Variants in MDGA2 observed in about 807,000 individuals in gnomAD.
MDGA2 encodes MAM domain-containing glycosylphosphatidylinositol anchor protein 2.
In MDGA2, 40 loss-of-function variants were observed where a neutral mutation model predicts 117.8. That is an observed-to-expected ratio of 0.34 (90% CI 0.26 to 0.44). The LOEUF is 0.44. MDGA2 is among the 20% of genes least tolerant of loss of function. The pLI is 1.00. For synonymous variants in MDGA2, 452 were observed against 439.0 expected (o/e 1.03, Z -0.37); for missense variants, 1,123 against 1,250.6 (o/e 0.90, Z 1.54).
intron 11 of MDGA2, among the ~76,000 whole-genome samples, chr14:46,877,728 C>T (rs1386343067): frequency 6.6e-6 from 1 of 151,690 alleles, no homozygotes; most frequent in Non-Finnish European, 1.5e-5. Flanking sequence ...CCTCAAATTA[C>T]CAAAAAGACC....
At chr14:47,060,523 AT>A (rs1889845989) in intron 7 of MDGA2, among the ~76,000 whole-genome samples, 1 of 152,064 alleles carries the variant, frequency 6.6e-6, no homozygotes, top group Admixed American at 6.6e-5. Context: ...GAAACTCTGG[AT>A]GTGTGCTGAT....
intron 4 of MDGA2, among the ~76,000 whole-genome samples, chr14:47,138,152 T>C (rs981395178): frequency 3.9e-5 from 6 of 152,164 alleles, no homozygotes; most frequent in Non-Finnish European, 5.9e-5. Context: ...GGCATATATG[T>C]ATACCTGTGA....
intron 3 of MDGA2, among the ~76,000 whole-genome samples, chr14:47,213,413 T>C (rs1885957775): frequency 6.6e-6 from 1 of 152,200 alleles, no homozygotes. Context: ...CATGCTGATA[T>C]GTGCATTGAA....
rs1248599182 is a variant in MDGA2, at chr14:46,957,617, AG to A, written c.1845del (p.Leu616TrpfsTer13). The A allele has an allele frequency of 6.2e-7, 1 of 1,614,164 alleles. No individual in the cohort carries two copies. Among genetic ancestry groups the A allele is most frequent in the Non-Finnish European group, 8.5e-7 (1 of 1,179,988 alleles). ...VQYPPAVEPA[F>X]LEIRQGQDRS... is the part of the protein sequence containing the mutation. ...CGATCCTGTCCTTGCCGGATTTCCA[AG>A]AATGCTGGTTCCACTGCAGGGGGAT... is the stretch of plus-strand genomic sequence containing the variant. On this transcript the variant is annotated frameshift_variant, in exon 9 of 17. Coordinates refer to ENST00000399232, the MANE Select transcript of MDGA2 (RefSeq NM_001113498.3). LOFTEE classifies it high-confidence loss of function.
chr14:47,212,087 C>T (rs1401505554), intron 3 of MDGA2, among the ~76,000 whole-genome samples: 1 of 152,010 alleles, frequency 6.6e-6, no homozygotes, highest in Non-Finnish European at 1.5e-5. Context: ...TTATTCTAAA[C>T]AACATGTAAG....
At chr14:47,161,414 G>T (rs1228700257) in intron 3 of MDGA2, among the ~76,000 whole-genome samples, 2 of 151,800 alleles carry the variant, frequency 1.3e-5, no homozygotes, top group Non-Finnish European at 2.9e-5. Context: ...TGTCCAAGAA[G>T]AAATAATTTA....
chr14:46,994,502 T>C (rs975200173), intron 8 of MDGA2, among the ~76,000 whole-genome samples: 3 of 96,062 alleles, frequency 3.1e-5, no homozygotes, highest in Admixed American at 1.3e-4. Flanking sequence ...AAGGCAAACA[T>C]GCACACATAC....
intron 1 of MDGA2, among the ~76,000 whole-genome samples, chr14:47,497,908 A>G (rs776181268): frequency 2.0e-5 from 3 of 152,172 alleles, no homozygotes; most frequent in Admixed American, 6.5e-5. Context: ...AGGCAATAAA[A>G]TTTGCACTGT....
At chr14:47,663,076 G>A (rs767917485) in intron 1 of MDGA2, among the ~76,000 whole-genome samples, 1 of 152,246 alleles carries the variant, frequency 6.6e-6, no homozygotes, top group African/African-American at 2.4e-5. Context: ...CACAATAATG[G>A]CGTAGAGTAA....
chr14:47,355,067 G>A (rs904551893), intron 1 of MDGA2, among the ~76,000 whole-genome samples: 4 of 152,296 alleles, frequency 2.6e-5, no homozygotes, highest in East Asian at 1.9e-4. Context: ...TACTGTGCCC[G>A]ATGCCTGGGT....
intron 1 of MDGA2, among the ~76,000 whole-genome samples, chr14:47,548,447 T>C (rs1297765942): frequency 6.6e-6 from 1 of 152,132 alleles, no homozygotes; most frequent in Non-Finnish European, 1.5e-5. Context: ...TAATGACTAA[T>C]TTTTTTGCTT....
intron 9 of MDGA2, among the ~76,000 whole-genome samples, chr14:46,926,946 T>C (rs1005504429): frequency 6.6e-6 from 1 of 152,176 alleles, no homozygotes; most frequent in Non-Finnish European, 1.5e-5. Flanking sequence ...GATCAACATG[T>C]GTCTTCTGAC....
At chr14:47,561,158 G>GTTTTTCTTTTTTTTTTTTTTTT (rs200625450) in intron 1 of MDGA2, among the ~76,000 whole-genome samples, 1 of 55,076 alleles carries the variant, frequency 1.8e-5, no homozygotes, top group Non-Finnish European at 4.3e-5. Flanking sequence ...TTTTTGTTTT[G>GTTTTTCTTTTTTTTTTTTTTTT]TTTTGTTTTT....
intron 2 of MDGA2, among the ~76,000 whole-genome samples, chr14:47,233,927 C>G (rs1291408905): frequency 1.3e-5 from 2 of 152,068 alleles, no homozygotes; most frequent in Non-Finnish European, 2.9e-5. Context: ...CTCAGGTCCT[C>G]TAAGAAAATA....
At chr14:47,584,961 T>C (rs181633854) in intron 1 of MDGA2, among the ~76,000 whole-genome samples, 1 of 151,942 alleles carries the variant, frequency 6.6e-6, no homozygotes, top group East Asian at 1.9e-4. Flanking sequence ...TCAATAAAGC[T>C]TTTTCTGAAT....
intron 1 of MDGA2, among the ~76,000 whole-genome samples, chr14:47,584,170 C>G (rs1896278870): frequency 2.0e-5 from 3 of 151,806 alleles, no homozygotes; most frequent in African/African-American, 7.3e-5. Context: ...TAATATTTCA[C>G]TCACCCATTG....
chr14:47,042,417 G>A (rs947778049), intron 7 of MDGA2, among the ~76,000 whole-genome samples: 1 of 150,902 alleles, frequency 6.6e-6, no homozygotes, highest in Non-Finnish European at 1.5e-5. Context: ...GATTTGATGA[G>A]TTTCATCTTT....
intron 2 of MDGA2, among the ~76,000 whole-genome samples, chr14:47,290,721 T>G (rs895097023): frequency 1.3e-5 from 2 of 151,434 alleles, no homozygotes; most frequent in Non-Finnish European, 2.9e-5. Context: ...GAAAATTCTA[T>G]AAAAAGGAGT....
chr14:47,153,496 T>C (rs555462613), intron 3 of MDGA2, among the ~76,000 whole-genome samples: 3 of 152,024 alleles, frequency 2.0e-5, no homozygotes, highest in Non-Finnish European at 4.4e-5. Flanking sequence ...GTAAGAAAGT[T>C]GAGTTCTGTT....
Sources: gnomAD v4.1 joint callset for allele counts (sites outside exome capture counted in the v4.1 genomes callset) on GRCh38, gnomAD v4.1.1 for gene constraint, MANE v1.5 for transcripts, NCBI Gene and HGNC (gene_info 2026-07-23, HGNC 2026-07-21) for gene names.